Variants in CCSER1 observed in about 807,000 individuals in gnomAD.
CCSER1 encodes coiled-coil serine rich protein 1, also known as serine-rich coiled-coil domain-containing protein 1.
CCSER1 carries 41 observed loss-of-function variants against 82.0 expected under a neutral mutation model. The observed-to-expected ratio is 0.50, with a 90% CI of 0.39 to 0.65. The LOEUF (loss-of-function observed/expected upper bound fraction) is 0.65, where lower values mean the gene tolerates loss of function less well. CCSER1 is among the 30% of genes least tolerant of loss of function. The pLI is 0.00. For missense variants in CCSER1, 1,119 were observed against 1,064.2 expected (o/e 1.05, Z -0.72); for synonymous variants, 414 against 383.9 (o/e 1.08, Z -0.92).
intron 5 of CCSER1, among the ~76,000 whole-genome samples, chr4:90,562,082 C>A (rs2153648061): frequency 6.7e-6 from 1 of 149,568 alleles, no homozygotes. Context: ...ACCAGCTACT[C>A]AGGAGGCTGA....
chr4:90,776,984 A>C (rs946275016), intron 7 of CCSER1, among the ~76,000 whole-genome samples: 2 of 152,304 alleles, frequency 1.3e-5, no homozygotes, highest in East Asian at 3.9e-4. Context: ...CAAGATAGGC[A>C]CTCAGAAGGT....
intron 10 of CCSER1, among the ~76,000 whole-genome samples, chr4:91,139,195 G>A (rs931525395): frequency 2.6e-5 from 4 of 152,078 alleles, no homozygotes; most frequent in African/African-American, 9.7e-5. Context: ...AATCCATGTT[G>A]CTGTAAGGTA....
At chr4:90,250,571 A>G (rs1373024991) in intron 1 of CCSER1, among the ~76,000 whole-genome samples, 3 of 152,098 alleles carry the variant, frequency 2.0e-5, no homozygotes, top group Admixed American at 6.6e-5. Context: ...ACTGCTTTAT[A>G]TATCTGTCCT....
At chr4:90,611,078 T>TTTTTTTTTTTTTG in intron 5 of CCSER1, among the ~76,000 whole-genome samples, 1 of 142,264 alleles carries the variant, frequency 7.0e-6, no homozygotes, top group Non-Finnish European at 1.5e-5. Flanking sequence ...TTTTTTTTTT[T>TTTTTTTTTTTTTG]TGTAGAGATA....
intron 9 of CCSER1, among the ~76,000 whole-genome samples, chr4:91,048,583 G>T (rs1334868339): frequency 1.3e-5 from 2 of 152,002 alleles, no homozygotes; most frequent in Admixed American, 6.6e-5. Flanking sequence ...AAGAGAGAAG[G>T]TTTATAATAA....
intron 10 of CCSER1, among the ~76,000 whole-genome samples, chr4:91,230,863 G>T (rs753395906): frequency 6.6e-6 from 1 of 151,578 alleles, no homozygotes; most frequent in African/African-American, 2.4e-5. Flanking sequence ...AAGTCATTAG[G>T]TTTCGAATAA....
At chr4:90,814,948 C>G (rs1471919068) in intron 7 of CCSER1, among the ~76,000 whole-genome samples, 1 of 152,122 alleles carries the variant, frequency 6.6e-6, no homozygotes, top group Non-Finnish European at 1.5e-5. Flanking sequence ...GGTGCTTCCA[C>G]ATTTTCAGTT....
intron 10 of CCSER1, among the ~76,000 whole-genome samples, chr4:91,454,279 G>A (rs1756025068): frequency 6.6e-6 from 1 of 152,026 alleles, no homozygotes; most frequent in African/African-American, 2.4e-5. Context: ...AAGGCTCTGA[G>A]GAGAGAATCA....
intron 1 of CCSER1, among the ~76,000 whole-genome samples, chr4:90,200,498 C>T (rs1206390749): frequency 2.0e-5 from 3 of 151,632 alleles, no homozygotes. Flanking sequence ...TACAAAAAAA[C>T]CCAGCAAAGC....
intron 5 of CCSER1, among the ~76,000 whole-genome samples, chr4:90,493,194 T>A (rs1299658413): frequency 6.6e-6 from 1 of 151,958 alleles, no homozygotes; most frequent in Non-Finnish European, 1.5e-5. Context: ...TGAAATGAAG[T>A]GAGAAGACAA....
chr4:90,533,114 C>T (rs1774816447), intron 5 of CCSER1, among the ~76,000 whole-genome samples: 1 of 104,324 alleles, frequency 9.6e-6, no homozygotes. Flanking sequence ...TTTTTTGAGA[C>T]GGAGTCTCCC....
chr4:90,186,265 A>T (rs1039966568), intron 1 of CCSER1, among the ~76,000 whole-genome samples: 1 of 151,992 alleles, frequency 6.6e-6, no homozygotes, highest in African/African-American at 2.4e-5. Flanking sequence ...GCTTACTGCC[A>T]CCCTCAAGAG....
intron 5 of CCSER1, among the ~76,000 whole-genome samples, chr4:90,624,394 C>G (rs1236212476): frequency 7.1e-6 from 1 of 141,176 alleles, no homozygotes; most frequent in Non-Finnish European, 1.6e-5. Context: ...TTAGTTATAG[C>G]TAAGTGAGAA....
intron 9 of CCSER1, among the ~76,000 whole-genome samples, chr4:91,045,456 A>G (rs2150587732): frequency 6.7e-6 from 1 of 149,908 alleles, no homozygotes; most frequent in African/African-American, 2.4e-5. Context: ...TTGCCTGCAT[A>G]CACAATTCTT....
In CCSER1 at chr4:90,960,820, T is replaced by C. The variant is rs571955157; in HGVS notation, c.2172+37373T>C. On this transcript the variant is annotated intron_variant, in intron 9 of 10. Coordinates refer to ENST00000509176, the MANE Select transcript of CCSER1 (RefSeq NM_001145065.2). Reference sequence around the variant, plus strand: ...GGGTCTAGAAGTTTCTATGAAGTTGTGAAATACTTATTTAGCACCTTAATA... The same window carrying C: ...GGGTCTAGAAGTTTCTATGAAGTTGCGAAATACTTATTTAGCACCTTAATA... 6.6e-5 allele frequency among the ~76,000 whole-genome samples: 10 copies of C among 152,318 alleles called. No homozygotes were observed. The East Asian group carries it at 1.9e-3, about 29-fold the overall frequency.
At chr4:91,569,143 A>G (rs927643177) in intron 10 of CCSER1, among the ~76,000 whole-genome samples, 1 of 152,164 alleles carries the variant, frequency 6.6e-6, no homozygotes, top group Admixed American at 6.6e-5. Flanking sequence ...TCTTTGGAGC[A>G]TGATACAGCA....
At chr4:91,457,600 G>T (rs1390928652) in intron 10 of CCSER1, among the ~76,000 whole-genome samples, 2 of 152,082 alleles carry the variant, frequency 1.3e-5, no homozygotes, top group Non-Finnish European at 2.9e-5. Flanking sequence ...ATACCAGGAG[G>T]TCGAGGCTGA....
intron 10 of CCSER1, among the ~76,000 whole-genome samples, chr4:91,516,081 A>G (rs1760104901): frequency 6.6e-6 from 1 of 151,836 alleles, no homozygotes; most frequent in Non-Finnish European, 1.5e-5. Context: ...GTAAATTTAT[A>G]TATATTCCAT....
intron 6 of CCSER1, among the ~76,000 whole-genome samples, chr4:90,674,631 TA>T (rs1460203929): frequency 6.6e-6 from 1 of 152,066 alleles, no homozygotes; most frequent in Admixed American, 6.6e-5. Flanking sequence ...TTATGTTCAC[TA>T]AAAAATTATT....
Sources: allele counts gnomAD v4.1 joint callset (sites outside exome capture counted in the v4.1 genomes callset), GRCh38; gene constraint gnomAD v4.1.1; transcripts MANE v1.5; gene names NCBI Gene and HGNC (gene_info 2026-07-23, HGNC 2026-07-21).